The following INSC variants were observed in gnomAD, a reference collection of about 807,000 sequenced individuals.
INSC encodes the protein protein inscuteable homolog.
Under a neutral mutation model 58.6 loss-of-function variants are expected in INSC, and 67 were observed. The observed-to-expected ratio is 1.14, with a 90% CI of 0.94 to 1.40. The LOEUF (loss-of-function observed/expected upper bound fraction) is 1.40. Among genes scored for constraint, INSC ranks in the 40% most tolerant of loss-of-function variants. The pLI, the probability that INSC is intolerant of heterozygous loss-of-function variation, is 0.00. For synonymous variants in INSC, 262 were observed against 276.1 expected, an observed-to-expected ratio of 0.95 and a Z score of 0.51; for missense variants, 714 against 692.0, an observed-to-expected ratio of 1.03 and a Z score of -0.36.
At chr11:15,248,256 G>A (rs1012922635), downstream of INSC, among the ~76,000 whole-genome samples, 4 of 152,138 alleles carry the variant, frequency 2.6e-5, no homozygotes, top group African/African-American at 9.7e-5. Context: ...AGTGGAATTG[G>A]CATTTTAAAA....
At chr11:15,238,654 G>A (rs1263456506) in intron 10 of INSC, among the ~76,000 whole-genome samples, 1 of 152,204 alleles carries the variant, frequency 6.6e-6, no homozygotes, top group East Asian at 1.9e-4. Flanking sequence ...ACAGTGCTGA[G>A]TGTGTAGTAA....
chr11:15,190,334 T>C (rs1395171045), intron 5 of INSC, among the ~76,000 whole-genome samples: 1 of 152,242 alleles, frequency 6.6e-6, no homozygotes, highest in African/African-American at 2.4e-5. Context: ...GTTTTCAATT[T>C]GATGGTTTGC....
rs559608568 is a variant in INSC, at chr11:15,119,382, T to C, written c.-46+4379T>C. Among the ~76,000 whole-genome samples, 5 of 152,314 alleles carry C rather than the reference T, an allele frequency of 3.3e-5. No individual in the cohort carries two copies. In the South Asian group the frequency reaches 1.0e-3, roughly 32 times the overall value. ...CAACCTCTGTCCTGGGAACCAAGCC[T>C]CTGCCCAGACTCTGCGATCTGGCCG... is the stretch of plus-strand genomic sequence containing the variant. On this transcript the variant is annotated intron_variant, in intron 1 of 12. Coordinates refer to ENST00000379556, the MANE Select transcript of INSC (RefSeq NM_001042536.3).
intron 12 of INSC, among the ~76,000 whole-genome samples, chr11:15,244,381 C>T (rs1034676626): frequency 3.8e-4 from 58 of 152,136 alleles, no homozygotes; most frequent in African/African-American, 1.3e-3. Context: ...CAGAGACACA[C>T]GCTCCTTCTC....
At chr11:15,173,710 CAG>C (rs959023823) in intron 2 of INSC, among the ~76,000 whole-genome samples, 6 of 151,968 alleles carry the variant, frequency 3.9e-5, no homozygotes, top group Non-Finnish European at 8.8e-5. Flanking sequence ...GAGGCAGAGA[CAG>C]AGAAATCATT....
intron 9 of INSC, chr11:15,235,286 T>A (rs1241536604): frequency 2.6e-6 from 1 of 390,284 alleles, no homozygotes; most frequent in Non-Finnish European, 4.9e-6. Context: ...ATTTCAGGAC[T>A]GGGGACCAGA....
chr11:15,202,723 A>G lies in INSC; in HGVS notation c.819+1774A>G, dbSNP rs568591629. On this transcript the variant is annotated intron_variant, in intron 7 of 12. Coordinates refer to ENST00000379556, the MANE Select transcript of INSC (RefSeq NM_001042536.3). ...CACCAGCCCTCCAAAAGCCGATTGTATGGCTTTAGTGAGCTTGCAGTGCAG... is the reference window on the plus strand; with the variant it reads ...CACCAGCCCTCCAAAAGCCGATTGTGTGGCTTTAGTGAGCTTGCAGTGCAG... Among the ~76,000 whole-genome samples, 4 of 152,336 alleles carry G rather than the reference A, an allele frequency of 2.6e-5. No homozygotes were observed. The South Asian group carries it at 8.3e-4, about 32-fold the overall frequency.
intron 1 of INSC, among the ~76,000 whole-genome samples, chr11:15,136,914 T>C (rs781117872): frequency 2.0e-5 from 3 of 152,228 alleles, no homozygotes; most frequent in Non-Finnish European, 4.4e-5. Context: ...AGGATTTCAA[T>C]TTATTATGCC....
At chr11:15,154,101 C>T (rs76708969) in intron 2 of INSC, among the ~76,000 whole-genome samples, 181 of 152,286 alleles carry the variant, frequency 1.2e-3, no homozygotes, top group African/African-American at 4.0e-3. Context: ...ATGTATATGT[C>T]ATCTTTTCTG....
At chr11:15,176,132 T>C in intron 3 of INSC, 46 bp downstream of exon 3, 11 of 1,433,710 alleles carry the variant, frequency 7.7e-6, no homozygotes, top group Non-Finnish European at 1.0e-5. Flanking sequence ...GAAGTCAGGG[T>C]GCTTTAGAGA....
At chr11:15,215,629 T>C (rs917666377) in intron 7 of INSC, among the ~76,000 whole-genome samples, 8 of 152,224 alleles carry the variant, frequency 5.3e-5, no homozygotes, top group Non-Finnish European at 1.2e-4. Context: ...CCATACTTCA[T>C]CAGTAAACTG....
chr11:15,190,104 C>T (rs879635172), intron 5 of INSC, among the ~76,000 whole-genome samples: 3 of 152,152 alleles, frequency 2.0e-5, no homozygotes, highest in East Asian at 1.9e-4. Context: ...CACCCTTTGA[C>T]GGGACTCCCA....
At position 15,207,329 on chromosome 11, in the gene INSC, C is replaced by T. The variant is rs922827819; in HGVS notation, c.819+6380C>T. On this transcript the variant is annotated intron_variant, in intron 7 of 12. Coordinates refer to ENST00000379556, the MANE Select transcript of INSC (RefSeq NM_001042536.3). ...CCTTTTATTTTATTTTTTCAAATAA[C>T]GAGTTAGTTCACTCTGTGCTGGAGC... is the stretch of plus-strand genomic sequence containing the variant. Among the ~76,000 whole-genome samples, 10 of 152,236 alleles carry T rather than the reference C, an allele frequency of 6.6e-5. No homozygotes were observed. In the East Asian group the frequency reaches 7.7e-4, roughly 12 times the overall value.
intron 9 of INSC, among the ~76,000 whole-genome samples, chr11:15,226,241 A>G (rs1439527305): frequency 6.6e-6 from 1 of 152,082 alleles, no homozygotes; most frequent in Non-Finnish European, 1.5e-5. Context: ...TGTCCTGGTC[A>G]TGTTGGTGGC....
At chr11:15,140,732 C>T (rs544970136) in intron 1 of INSC, among the ~76,000 whole-genome samples, 1 of 152,188 alleles carries the variant, frequency 6.6e-6, no homozygotes, top group South Asian at 2.1e-4. Context: ...GAATGTACCA[C>T]CATGCCCCAT....
chr11:15,269,658 T>G, the INSC span, among the ~76,000 whole-genome samples: 15 of 152,144 alleles, frequency 9.9e-5, no homozygotes, highest in African/African-American at 3.6e-4. Context: ...AATAGCATCC[T>G]ACATGATCTT....
Position 15,149,117 on chromosome 11 carries a change from C to T in INSC, c.-45-13C>T, listed in dbSNP as rs1341800707. Reference sequence around the variant, plus strand: ...TTAGGATCTCGTTGTGCCATCCTGCCCTCTATTTTCAGGGTCACGACCGCT... The same window carrying T: ...TTAGGATCTCGTTGTGCCATCCTGCTCTCTATTTTCAGGGTCACGACCGCT... On this transcript the variant is annotated splice_polypyrimidine_tract_variant and intron_variant, in intron 1 of 12. Coordinates refer to ENST00000379556, the MANE Select transcript of INSC (RefSeq NM_001042536.3). 6.3e-7 allele frequency: 1 copy of T among 1,593,206 alleles called. No homozygotes were observed. The highest frequency in any genetic ancestry group is 8.5e-7 in the Non-Finnish European group (1 of 1,170,178).
intron 5 of INSC, among the ~76,000 whole-genome samples, chr11:15,184,091 A>G (rs890580500): frequency 2.0e-5 from 3 of 152,134 alleles, no homozygotes; most frequent in African/African-American, 7.2e-5. Flanking sequence ...ATGATTCCCT[A>G]AAGACACCAA....
At chr11:15,153,091 T>C (rs1159203696) in intron 2 of INSC, among the ~76,000 whole-genome samples, 1 of 152,208 alleles carries the variant, frequency 6.6e-6, no homozygotes, top group Non-Finnish European at 1.5e-5. Flanking sequence ...CCATCTGCCT[T>C]GTATGGTGCC....
Sources: allele counts gnomAD v4.1 joint callset (sites outside exome capture counted in the v4.1 genomes callset), GRCh38; gene constraint gnomAD v4.1.1; transcripts MANE v1.5; gene names NCBI Gene and HGNC (gene_info 2026-07-23, HGNC 2026-07-21).